Variants in CCDC197 observed in about 807,000 individuals in gnomAD.
CCDC197 encodes the protein uncharacterized protein CCDC197.
A neutral mutation model predicts 13.4 loss-of-function variants in CCDC197; 24 were observed. That is an observed-to-expected ratio of 1.80 (90% CI 1.30 to 2.53). The LOEUF is 2.53. CCDC197 is among the 30% of genes most tolerant of loss of function. The pLI is 0.00. For missense variants in CCDC197, 255 were observed against 148.8 expected (o/e 1.71, Z -3.71); for synonymous variants, 99 against 55.5 (o/e 1.78, Z -3.48).
intron 1 of CCDC197, among the ~76,000 whole-genome samples, chr14:93,988,445 AGGAGGAGATGGGAG>A (rs1890142690): frequency 1.7e-5 from 1 of 59,662 alleles, no homozygotes. Context: ...AGAGGATGGG[AGGAGGAGATGGGAG>A]GAGGGGATGG....
At chr14:93,995,847 C>T (rs952609365), upstream of CCDC197, among the ~76,000 whole-genome samples, 1 of 152,164 alleles carries the variant, frequency 6.6e-6, no homozygotes, top group African/African-American at 2.4e-5. Context: ...CCCAGAGTAG[C>T]CCGGACAGTC....
upstream of CCDC197, among the ~76,000 whole-genome samples, chr14:93,992,494 T>C (rs945251002): frequency 6.6e-6 from 1 of 152,194 alleles, no homozygotes; most frequent in Non-Finnish European, 1.5e-5. Context: ...GTGATGGTTC[T>C]GGGACAGAAG....
chr14:94,009,823 A>G (rs1326425323), downstream of CCDC197, among the ~76,000 whole-genome samples: 1 of 152,230 alleles, frequency 6.6e-6, no homozygotes. Context: ...TCTGCACAGA[A>G]GGCACTTGCT....
upstream of CCDC197, among the ~76,000 whole-genome samples, chr14:93,996,950 TG>T (rs992543621): frequency 3.9e-5 from 6 of 151,962 alleles, no homozygotes; most frequent in Non-Finnish European, 7.4e-5. Flanking sequence ...GGCTGAGCCT[TG>T]GGGGGGCTGA....
chr14:93,995,379 T>C (rs1350701799), upstream of CCDC197, among the ~76,000 whole-genome samples: 2 of 152,176 alleles, frequency 1.3e-5, no homozygotes, highest in Non-Finnish European at 2.9e-5. Context: ...GTTATAGGGC[T>C]GCGAGGGAAA....
chr14:94,005,991 T>C (rs1308134137), intron 6 of CCDC197, among the ~76,000 whole-genome samples: 2 of 152,360 alleles, frequency 1.3e-5, no homozygotes, highest in East Asian at 1.9e-4. Context: ...TGCAGAGATA[T>C]GTTTTCACTT....
intron 1 of CCDC197, among the ~76,000 whole-genome samples, chr14:93,987,897 C>A (rs1274188782): frequency 3.4e-5 from 5 of 147,976 alleles, no homozygotes; most frequent in Admixed American, 3.4e-4. Flanking sequence ...GACTTCCTAC[C>A]CACAGGAGGT....
Position 93,998,114 on chromosome 14 carries a change from G to C in CCDC197, c.-18G>C. On this transcript the variant is annotated 5_prime_UTR_variant, in exon 2 of 7. Coordinates refer to ENST00000636493, the MANE Select transcript of CCDC197 (RefSeq NM_001351596.2). Reference sequence around the variant, plus strand: ...CACGGGTCTCCTGTCCTCCTGCATAGCTTGCGGTGGTGAGGTGATGGCAGC... The same window carrying C: ...CACGGGTCTCCTGTCCTCCTGCATACCTTGCGGTGGTGAGGTGATGGCAGC... The C allele has an allele frequency of 1.3e-6, 1 of 780,482 alleles. No individual in the cohort carries two copies. The highest frequency in any genetic ancestry group is 2.4e-6 in the Non-Finnish European group (1 of 418,092). 48.3% of individuals were successfully genotyped at this position (780,482 alleles called of 1,614,324 possible). A position where few individuals can be genotyped will look rare whatever the true frequency, so the allele number is the denominator to read the frequency against.
intron 6 of CCDC197, 131 bp from the exon 7 acceptor site, chr14:94,008,478 C>A: frequency 4.8e-6 from 3 of 626,294 alleles, no homozygotes; most frequent in East Asian, 5.5e-5. Context: ...GGCATTGATA[C>A]CACATCCTTT....
At chr14:93,996,609 C>G (rs1396028504), upstream of CCDC197, among the ~76,000 whole-genome samples, 1 of 152,250 alleles carries the variant, frequency 6.6e-6, no homozygotes, top group Non-Finnish European at 1.5e-5. Context: ...CTCTGGGGAC[C>G]TTCCCCACCC....
At position 93,999,617 on chromosome 14, in the gene CCDC197, A is replaced by G. The variant is rs746466208; in HGVS notation, c.139A>G (p.Lys47Glu). 4 of 780,912 alleles carry G rather than the reference A, an allele frequency of 5.1e-6. No individual in the cohort carries two copies. The African/African-American group carries it at 6.8e-5, about 13-fold the overall frequency. 48.4% of individuals were successfully genotyped at this position (780,912 alleles called of 1,614,324 possible). ...KKLKREVEKHKLFEDYLIKVL... is the reference protein window; with the variant it reads ...KKLKREVEKHELFEDYLIKVL... ...GCTCAAGAGAGAAGTCGAGAAGCAC[A>G]AGCTTTTTGAAGACTATCTGATTAA... is the stretch of plus-strand genomic sequence containing the variant. The change falls in exon 3 of 7, where the codon AAG (lysine) becomes GAG (glutamate). Residue 47 changes from lysine to glutamate, a missense_variant. Physicochemically the swap from Lys to Glu is moderately conservative, Grantham distance 56 (BLOSUM62 1). Transcript: ENST00000636493.
intron 6 of CCDC197, chr14:94,007,680 G>T (rs1050470242): frequency 6.6e-6 from 1 of 152,152 alleles, no homozygotes; most frequent in Admixed American, 6.5e-5. Context: ...AGGCTCAGAG[G>T]CATCATCAAA....
intron 1 of CCDC197, among the ~76,000 whole-genome samples, chr14:93,991,828 C>A (rs993326041): frequency 6.6e-6 from 1 of 151,844 alleles, no homozygotes; most frequent in Non-Finnish European, 1.5e-5. Context: ...GCCGAGGGAA[C>A]CACAGGTGCA....
intron 1 of CCDC197, among the ~76,000 whole-genome samples, chr14:93,987,652 T>G (rs935551062): frequency 6.6e-6 from 1 of 152,092 alleles, no homozygotes; most frequent in African/African-American, 2.4e-5. Flanking sequence ...CCCTCCACTC[T>G]CTGGAGGCGG....
At position 94,003,145 on chromosome 14, in the gene CCDC197, A is replaced by G; in HGVS notation, c.367-78A>G. 1 of 712,406 alleles carries G rather than the reference A, an allele frequency of 1.4e-6. No individual in the cohort carries two copies. Among genetic ancestry groups the G allele is most frequent in the South Asian group, 1.6e-5 (1 of 63,718 alleles). The allele number at this position is 712,406 out of a possible 1,614,324, so 44.1% of individuals were successfully genotyped here. Reference sequence around the variant, plus strand: ...TTCCTCCTATCCTGTCATTGCACAGACCACCCTGGGGACTCAGACCAGGGC... The same window carrying G: ...TTCCTCCTATCCTGTCATTGCACAGGCCACCCTGGGGACTCAGACCAGGGC... On this transcript the variant is annotated intron_variant, in intron 4 of 6. Transcript: ENST00000636493. The surrounding 1 kb of genome is among the most constrained non-coding windows in gnomAD (Gnocchi z 5.0).
At chr14:93,995,145 G>A (rs939856272), upstream of CCDC197, among the ~76,000 whole-genome samples, 18 of 152,204 alleles carry the variant, frequency 1.2e-4, no homozygotes, top group Non-Finnish European at 2.2e-4. Flanking sequence ...CAGCCTCACC[G>A]CCACTCTGAG....
At position 94,003,133 on chromosome 14, in the gene CCDC197, G is replaced by T; in HGVS notation, c.367-90G>T. On this transcript the variant is annotated intron_variant, in intron 4 of 6. Transcript: ENST00000636493. This position sits in a 1 kb window ranked among gnomAD's most constrained non-coding sequence, Gnocchi z 5.0. ...CACAAGTATTCCTTCCTCCTATCCT[G>T]TCATTGCACAGACCACCCTGGGGAC... The T allele has an allele frequency of 1.4e-6, 1 of 698,042 alleles. No individual in the cohort carries two copies. Among genetic ancestry groups the T allele is most frequent in the Non-Finnish European group, 2.6e-6 (1 of 378,612 alleles). The allele number at this position is 698,042 out of a possible 1,614,324, so 43.2% of individuals were successfully genotyped here.
At chr14:93,992,958 G>A (rs765984396), upstream of CCDC197, among the ~76,000 whole-genome samples, 21 of 152,140 alleles carry the variant, frequency 1.4e-4, no homozygotes, top group Non-Finnish European at 2.2e-4. Context: ...GGAAGGAGGG[G>A]ATAGAGGTAG....
intron 3 of CCDC197, 64 bp from the exon 4 acceptor site, chr14:94,001,081 C>T: frequency 4.5e-6 from 3 of 668,088 alleles, no homozygotes; most frequent in South Asian, 1.7e-5. Flanking sequence ...AATTCCTGGC[C>T]ACCCTGTTGG....
Sources: allele counts gnomAD v4.1 joint callset (sites outside exome capture counted in the v4.1 genomes callset), GRCh38; gene constraint gnomAD v4.1.1; non-coding constraint Gnocchi (gnomAD v3.1); transcripts MANE v1.5; gene names NCBI Gene and HGNC (gene_info 2026-07-23, HGNC 2026-07-21).